Variants in C3 observed in about 807,000 individuals in gnomAD.
The protein encoded by C3 is C3 and PZP-like alpha-2-macroglobulin domain-containing protein 1.
Under a neutral mutation model 207.9 loss-of-function variants are expected in C3, and 97 were observed. The observed-to-expected ratio is 0.47, with a 90% CI of 0.40 to 0.55. C3 has a LOEUF of 0.55. C3 is among the 20% of genes least tolerant of loss of function. C3 has a pLI of 0.00. For synonymous variants in C3, 848 were observed against 857.6 expected (o/e 0.99, Z 0.20); for missense variants, 1,684 against 2,171.7 (o/e 0.78, Z 4.46).
intron 14 of C3, among the ~76,000 whole-genome samples, chr19:6,708,962 C>T (rs544575114): frequency 1.4e-3 from 210 of 152,148 alleles, no homozygotes; most frequent in African/African-American, 4.8e-3. Context: ...GCTGGGATTC[C>T]AGACGTGAGC....
At chr19:6,685,303 T>C (rs1917975925) in intron 29 of C3, among the ~76,000 whole-genome samples, 157 bp from the exon 30 acceptor site, 1 of 152,140 alleles carries the variant, frequency 6.6e-6, no homozygotes, top group African/African-American at 2.4e-5. Flanking sequence ...GTCACTGGAC[T>C]CTGAGGACAT....
intron 25 of C3, 26 bp downstream of exon 25, chr19:6,693,386 G>C (rs768033977): frequency 1.3e-6 from 2 of 1,596,272 alleles, no homozygotes; most frequent in Non-Finnish European, 1.7e-6. Flanking sequence ...GAGTATGCAT[G>C]GCCTGAGCTG....
At chr19:6,700,214 T>TGCAATATATATTATATATGTAATA (rs1397688631) in intron 19 of C3, among the ~76,000 whole-genome samples, 25 of 135,044 alleles carry the variant, frequency 1.9e-4, no homozygotes, top group East Asian at 6.2e-4. Flanking sequence ...TATGTATATA[T>TGCAATATATATTATATATGTAATA]TACATATATA....
intron 28 of C3, 174 bp from the exon 29 acceptor site, chr19:6,686,461 C>T (rs1236266061): frequency 1.4e-6 from 1 of 738,482 alleles, no homozygotes; most frequent in Non-Finnish European, 2.4e-6. Context: ...TTCATCAACT[C>T]TCACTTCTCC....
intron 19 of C3, among the ~76,000 whole-genome samples, chr19:6,699,463 C>T (rs141191292): frequency 3.9e-5 from 6 of 151,952 alleles, no homozygotes; most frequent in South Asian, 2.1e-4. Flanking sequence ...CTGCGCTGGG[C>T]GCGGTGGCTC....
Position 6,707,934 on chromosome 19 carries a change from G to C in C3, c.1846-5C>G, listed in dbSNP as rs200772969. 3 of 1,613,422 alleles carry C rather than the reference G, an allele frequency of 1.9e-6. No individual in the cohort carries two copies. The highest frequency in any genetic ancestry group is 1.3e-5 in the African/African-American group (1 of 75,014). Reference sequence around the variant, plus strand: ...CTTCTCCACCACGTCCCAGATCTGCGGGGGGCATAGGGGTGGCGGGACGCA... The same window carrying C: ...CTTCTCCACCACGTCCCAGATCTGCCGGGGGCATAGGGGTGGCGGGACGCA... On this transcript the variant is annotated splice_region_variant and splice_polypyrimidine_tract_variant and intron_variant, in intron 14 of 40. Coordinates refer to ENST00000245907, the MANE Select transcript of C3 (RefSeq NM_000064.4).
chr19:6,709,823 T>G lies in C3; in HGVS notation c.1706A>C (p.Gln569Pro). The G allele has an allele frequency of 6.2e-7, 1 of 1,613,892 alleles. No homozygotes were observed. Among genetic ancestry groups the G allele is most frequent in the East Asian group, 2.2e-5 (1 of 44,868 alleles). ...CVGSLVVKSG[Q>P]SEDRQPVPGQ... is the part of the protein sequence containing the mutation. ...AGGTACAGGCTGCCGGTCTTCTGACTGGCCGCTTTTTACCACCAGCTGTGG... is the reference window on the plus strand; with the variant it reads ...AGGTACAGGCTGCCGGTCTTCTGACGGGCCGCTTTTTACCACCAGCTGTGG... Residue 569 changes from glutamine to proline, a missense_variant, in exon 14 of 41, where the codon CAG (glutamine) becomes CCG (proline). Transcript: ENST00000245907.
chr19:6,702,176 G>T lies in C3; in HGVS notation c.2391C>A (p.Asp797Glu). ...STKLMNIFLK[D>E]SITTWEILAV... ...CCAGAATCTCCCACGTGGTGATGGA[G>T]TCTTTCAAAAATATATTCATGAGCT... is the stretch of plus-strand genomic sequence containing the variant. The change falls in exon 19 of 41, where the codon GAC (aspartate) becomes GAA (glutamate). Residue 797 changes from aspartate to glutamate, a missense_variant. Asp to Glu is a conservative substitution (Grantham distance 45). Around this residue, in one of 3 missense-constraint regions of C3, gnomAD observed 1,280 missense variants for 1,739.1 expected, o/e 0.74. Coordinates refer to ENST00000245907, the MANE Select transcript of C3 (RefSeq NM_000064.4). The T allele has an allele frequency of 6.2e-7, 1 of 1,606,244 alleles. No individual in the cohort carries two copies.
At chr19:6,683,251 G>T (rs1379967004) in intron 33 of C3, 9 of 151,708 alleles carry the variant, frequency 5.9e-5, no homozygotes, top group Admixed American at 3.9e-4. Context: ...TTTACTCCAT[G>T]TTGTAAATTA....
chr19:6,697,944 C>T (rs1206251361), intron 19 of C3, 150 bp from the exon 20 acceptor site: 34 of 642,750 alleles, frequency 5.3e-5, no homozygotes, highest in South Asian at 3.5e-4. Context: ...CTGTCAATGG[C>T]GACAAATGAC....
At chr19:6,687,903 C>T (rs1452241300) in intron 27 of C3, among the ~76,000 whole-genome samples, 1 of 150,448 alleles carries the variant, frequency 6.6e-6, no homozygotes, top group Non-Finnish European at 1.5e-5. Context: ...GTCGCCCACG[C>T]TGGAGTGCAG....
In C3 at chr19:6,713,983, G is replaced by C. The variant is rs1295800703; in HGVS notation, c.773+9C>G. 2 of 1,567,372 alleles carry C rather than the reference G, an allele frequency of 1.3e-6. No individual in the cohort carries two copies. The highest frequency in any genetic ancestry group is 2.2e-5 in the South Asian group (2 of 89,938). On this transcript the variant is annotated intron_variant, in intron 7 of 40. Transcript: ENST00000245907. ...TGGCTCTTACCTGGCCCCACCCCCA[G>C]TCCCTCACCTGGCGGTGATGGTGAC...
chr19:6,705,341 T>TC (rs1555686021), intron 17 of C3, among the ~76,000 whole-genome samples: 34 of 128,946 alleles, frequency 2.6e-4, no homozygotes, highest in Non-Finnish European at 3.7e-4. Flanking sequence ...TTTCTCTCTC[T>TC]TTTTTTTTTT....
intron 29 of C3, among the ~76,000 whole-genome samples, chr19:6,685,480 A>C (rs901361730): frequency 6.6e-6 from 1 of 152,184 alleles, no homozygotes; most frequent in Non-Finnish European, 1.5e-5. Flanking sequence ...GCTTGGAGAC[A>C]CTGAGAATAT....
At position 6,696,940 on chromosome 19, in the gene C3, G is replaced by T. The variant is rs11569475; in HGVS notation, c.2797-281C>A. 9.7e-3 allele frequency among the ~76,000 whole-genome samples: 1,456 copies of T among 150,524 alleles called. 14 individuals are homozygous for T. The highest frequency in any genetic ancestry group is 0.034 in the African/African-American group (1,356 of 40,336). ...GCCTGTAGTCCCAGCTACTCGGGAGGCTGAGGCAGGAGGATGGCGTGAACC... is the reference window on the plus strand; with the variant it reads ...GCCTGTAGTCCCAGCTACTCGGGAGTCTGAGGCAGGAGGATGGCGTGAACC... On this transcript the variant is annotated intron_variant, in intron 21 of 40. Coordinates refer to ENST00000245907, the MANE Select transcript of C3 (RefSeq NM_000064.4).
At chr19:6,679,032 T>C (rs979929863) in intron 38 of C3, 93 bp downstream of exon 38, 3 of 971,924 alleles carry the variant, frequency 3.1e-6, no homozygotes, top group Non-Finnish European at 5.0e-6. Flanking sequence ...ACCCACAGCC[T>C]GAAGCCACAC....
chr19:6,686,622 C>G, intron 28 of C3, 124 bp downstream of exon 28: 1 of 1,026,376 alleles, frequency 9.7e-7, no homozygotes, highest in Non-Finnish European at 1.5e-6. Context: ...TTAGGACTAT[C>G]CATCTCAGCT....
intron 30 of C3, 45 bp downstream of exon 30, chr19:6,684,943 G>C (rs748108113): frequency 2.5e-6 from 4 of 1,612,094 alleles, no homozygotes; most frequent in Non-Finnish European, 3.4e-6. Flanking sequence ...GGCTAGTGTA[G>C]GGGGAGACAG....
At chr19:6,678,944 G>A (rs563547775) in intron 38 of C3, among the ~76,000 whole-genome samples, 181 bp downstream of exon 38, 1 of 151,946 alleles carries the variant, frequency 6.6e-6, no homozygotes, top group East Asian at 1.9e-4. Context: ...AGCATACCTA[G>A]GCCACTCACA....
Sources: allele counts gnomAD v4.1 joint callset (sites outside exome capture counted in the v4.1 genomes callset), GRCh38; gene constraint gnomAD v4.1.1; regional missense constraint gnomAD v4.1.1; transcripts MANE v1.5; gene names NCBI Gene and HGNC (gene_info 2026-07-23, HGNC 2026-07-21).